Variants in MYO1H observed in about 807,000 individuals in gnomAD.
The protein encoded by MYO1H is unconventional myosin-Ih.
A neutral mutation model predicts 149.3 loss-of-function variants in MYO1H; 118 were observed. That is an observed-to-expected ratio of 0.79 (90% CI 0.68 to 0.92). The LOEUF is 0.92. Among genes scored for constraint, MYO1H ranks in the 40% least tolerant of loss-of-function variants. The pLI is 0.00. For synonymous variants in MYO1H, 447 were observed against 465.2 expected, an observed-to-expected ratio of 0.96 and a Z score of 0.50; for missense variants, 1,212 against 1,280.7, an observed-to-expected ratio of 0.95 and a Z score of 0.82.
In MYO1H at chr12:109,373,965, C is replaced by T. The variant is rs561218658; in HGVS notation, c.13-14718C>T. On this transcript the variant is annotated intron_variant, in intron 1 of 31. Transcript: ENST00000310903. The stretch of plus-strand genomic sequence containing the variant: ...TCACACCACTGCACTCCAGCCTGGG[C>T]GACAGAGTGAGACTCTGTCTCAAAG... Among the ~76,000 whole-genome samples the T allele has an allele frequency of 8.5e-5, 13 of 152,096 alleles. No homozygotes were observed. In the East Asian group the frequency reaches 1.7e-3, roughly 20 times the overall value.
chr12:109,320,953 C>T, the MYO1H span, among the ~76,000 whole-genome samples: 147 of 150,490 alleles, frequency 9.8e-4, no homozygotes, highest in African/African-American at 3.3e-3. Context: ...CTGGGCATGG[C>T]GGCGGGTACC....
chr12:109,327,739 C>CAAAAAAA, the MYO1H span, among the ~76,000 whole-genome samples: 18 of 85,560 alleles, frequency 2.1e-4, no homozygotes, highest in Admixed American at 4.3e-4. Context: ...AAAACTGTCT[C>CAAAAAAA]AAAAAAAAAA....
Position 109,410,039 on chromosome 12 carries a change from C to T in MYO1H, c.1300C>T (p.Gln434Ter), listed in dbSNP as rs759463407. 106 of 1,537,586 alleles carry T rather than the reference C, an allele frequency of 6.9e-5. 1 individual carries two copies. The Middle Eastern group carries it at 8.4e-4, about 12-fold the overall frequency. Residue 434 changes from glutamine (Q) to a stop codon, truncating the protein, a stop_gained, in exon 12 of 32, where the codon CAG becomes TAG. Coordinates refer to ENST00000310903, the Ensembl canonical transcript of MYO1H. LOFTEE classifies it high-confidence loss of function. ...AATTGAGAGGACTCTAAAAGCAGAA[C>T]AGGCAGAATATGAAATGGAAGGCAT...
chr12:109,335,587 A>AC, the MYO1H span, among the ~76,000 whole-genome samples: 1 of 152,082 alleles, frequency 6.6e-6, no homozygotes, highest in South Asian at 2.1e-4. Flanking sequence ...ACAAAAAAAA[A>AC]ACTAATATTT....
intron 7 of MYO1H, 43 bp from the exon 8 acceptor site, chr12:109,405,877 TCC>T (rs1870359296): frequency 1.4e-6 from 2 of 1,407,266 alleles, no homozygotes; most frequent in African/African-American, 1.4e-5. Flanking sequence ...CCGTTCTCTT[TCC>T]CTGTCCTGAT....
chr12:109,379,729 CTTTTTTT>C (rs35773327), intron 1 of MYO1H, among the ~76,000 whole-genome samples: 1 of 103,470 alleles, frequency 9.7e-6, no homozygotes, highest in African/African-American at 3.6e-5. Context: ...CAATTTTAAC[CTTTTTTT>C]TTTTTTTTTT....
intron 20 of MYO1H, 103 bp downstream of exon 20, chr12:109,433,113 A>T: frequency 1.1e-6 from 1 of 896,902 alleles, no homozygotes; most frequent in Non-Finnish European, 1.8e-6. Context: ...ATTCCTAGGG[A>T]TTTATGGAGA....
chr12:109,411,711 T>C (rs928733467), intron 13 of MYO1H, among the ~76,000 whole-genome samples, 183 bp from the exon 14 acceptor site: 3 of 150,706 alleles, frequency 2.0e-5, no homozygotes, highest in Non-Finnish European at 4.4e-5. Context: ...ATGGTCCCCT[T>C]ATCAAATCTT....
chr12:109,331,736 C>T, the MYO1H span, among the ~76,000 whole-genome samples: 3 of 152,168 alleles, frequency 2.0e-5, no homozygotes, highest in South Asian at 2.1e-4. Flanking sequence ...GCAGTTCTCC[C>T]GTGCAATTAC....
In MYO1H at chr12:109,390,972, C is replaced by G. The variant is rs561991650; in HGVS notation, c.174+2128C>G. 2.6e-5 allele frequency among the ~76,000 whole-genome samples: 4 copies of G among 152,286 alleles called. No individual in the cohort carries two copies. The South Asian group carries it at 6.2e-4, about 24-fold the overall frequency. ...GCCCGGCCCACCCATCCTACTTTCACTCAATGCCAGAGAGACCTTTAAGAA... is the reference window on the plus strand; with the variant it reads ...GCCCGGCCCACCCATCCTACTTTCAGTCAATGCCAGAGAGACCTTTAAGAA... On this transcript the variant is annotated intron_variant, in intron 2 of 31. Coordinates refer to ENST00000310903, the Ensembl canonical transcript of MYO1H.
chr12:109,396,945 A>G (rs550775928), intron 4 of MYO1H, among the ~76,000 whole-genome samples: 3 of 145,178 alleles, frequency 2.1e-5, no homozygotes, highest in Non-Finnish European at 4.5e-5. Flanking sequence ...CTCCTGCTTC[A>G]GCTTCCCAAG....
At chr12:109,362,376 A>G (rs1868772359) in intron 1 of MYO1H, among the ~76,000 whole-genome samples, 1 of 152,230 alleles carries the variant, frequency 6.6e-6, no homozygotes, top group Non-Finnish European at 1.5e-5. Context: ...ATTGAAAATT[A>G]TGTCATCCAC....
At chr12:109,433,320 TTTCACTG>T in intron 20 of MYO1H, among the ~76,000 whole-genome samples, 1 of 152,222 alleles carries the variant, frequency 6.6e-6, no homozygotes, top group Non-Finnish European at 1.5e-5. Context: ...GCCTGGATTC[TTTCACTG>T]TTCCCATGTA....
chr12:109,319,396 A>T, the MYO1H span, among the ~76,000 whole-genome samples: 14 of 152,168 alleles, frequency 9.2e-5, no homozygotes, highest in Admixed American at 6.5e-4. Flanking sequence ...ACAAATTAGA[A>T]TGGTAGTTGT....
chr12:109,323,912 G>A, the MYO1H span, among the ~76,000 whole-genome samples: 6 of 152,010 alleles, frequency 3.9e-5, no homozygotes, highest in African/African-American at 1.4e-4. Flanking sequence ...AGATGTGGTG[G>A]CTAATGCTTG....
chr12:109,403,884 A>T, intron 6 of MYO1H, 98 bp from the exon 7 acceptor site: 1 of 743,592 alleles, frequency 1.3e-6, no homozygotes, highest in South Asian at 1.7e-5. Flanking sequence ...AATTCAGTAC[A>T]TTATATAGGA....
intron 20 of MYO1H, among the ~76,000 whole-genome samples, chr12:109,433,620 G>A (rs1273439672): frequency 6.6e-6 from 1 of 152,216 alleles, no homozygotes; most frequent in African/African-American, 2.4e-5. Flanking sequence ...ACTCCAGAGA[G>A]CTCTGCCTGT....
chr12:109,391,308 A>G (rs994574843), intron 2 of MYO1H, among the ~76,000 whole-genome samples: 2 of 151,662 alleles, frequency 1.3e-5, no homozygotes, highest in Non-Finnish European at 2.9e-5. Flanking sequence ...TTTAGTTCCC[A>G]CTTATTAGCA....
At chr12:109,378,269 T>C (rs905678676) in intron 1 of MYO1H, among the ~76,000 whole-genome samples, 2 of 152,102 alleles carry the variant, frequency 1.3e-5, no homozygotes, top group Non-Finnish European at 2.9e-5. Flanking sequence ...GCTACCAGAA[T>C]GTTTTCCAAA....
Sources: gnomAD v4.1 joint callset for allele counts (sites outside exome capture counted in the v4.1 genomes callset) on GRCh38, gnomAD v4.1.1 for gene constraint, MANE v1.5 for transcripts, NCBI Gene and HGNC (gene_info 2026-07-23, HGNC 2026-07-21) for gene names.